Variants in SCML2 observed in about 807,000 individuals in gnomAD.
The protein encoded by SCML2 is Scm polycomb group protein like 2.
Under a neutral mutation model 48.4 loss-of-function variants are expected in SCML2, and 6 were observed. The observed-to-expected ratio is 0.12, with a 90% CI of 0.07 to 0.24. The LOEUF is 0.24. Ranked by LOEUF, SCML2 falls within the 10% of genes least tolerant of loss-of-function variation. The pLI is 1.00. For missense variants in SCML2, 377 were observed against 528.2 expected, an observed-to-expected ratio of 0.71 and a Z score of 2.81; for synonymous variants, 181 against 189.5, an observed-to-expected ratio of 0.95 and a Z score of 0.37.
At chrX:18,343,923 T>TAAAAAAAAAAAAAAAAAA (rs1203495780) in intron 1 of SCML2, among the ~76,000 whole-genome samples, 1 of 53,325 alleles carries the variant, frequency 1.9e-5, no homozygotes, top group Admixed American at 2.5e-4. Context: ...TGCCTCTATT[T>TAAAAAAAAAAAAAAAAAA]AAAAAAAAAA....
At chrX:18,259,260 C>CA (rs77504930) in intron 9 of SCML2, among the ~76,000 whole-genome samples, 735 of 64,841 alleles carry the variant, frequency 0.011, 3 homozygotes, top group African/African-American at 0.03. Flanking sequence ...GAGACTGTCT[C>CA]AAAAAAAAAA....
intron 7 of SCML2, among the ~76,000 whole-genome samples, chrX:18,297,932 C>T (rs984825748): frequency 2.1e-4 from 23 of 111,184 alleles, no homozygotes; most frequent in African/African-American, 7.5e-4. Flanking sequence ...TTGTTTGAGC[C>T]CAGGAGGTGG....
Position 18,241,045 on chromosome X carries a change from G to A in SCML2, c.*206C>T. 7.9e-6 allele frequency: 2 copies of A among 251,707 alleles called. No individual in the cohort carries two copies. Among genetic ancestry groups the A allele is most frequent in the South Asian group, 2.4e-4 (2 of 8,337 alleles). The allele number at this position is 251,707 out of a possible 1,213,427, so 20.7% of individuals were successfully genotyped here. On this transcript the variant is annotated 3_prime_UTR_variant, in exon 15 of 15. Coordinates refer to ENST00000251900, the MANE Select transcript of SCML2 (RefSeq NM_006089.3). ...ATGCTTTTTAAAGAAGTAGACTGGG[G>A]GAGTGGCGGCTGTGTCTCCCAAAGC... is the stretch of plus-strand genomic sequence containing the variant.
intron 7 of SCML2, among the ~76,000 whole-genome samples, chrX:18,298,805 G>A (rs1453738434): frequency 9.2e-6 from 1 of 108,675 alleles, no homozygotes; most frequent in Non-Finnish European, 1.9e-5. Context: ...AGGTGACAGA[G>A]TGAGACTGTG....
At chrX:18,351,129 G>A (rs2147576610) in intron 1 of SCML2, among the ~76,000 whole-genome samples, 1 of 110,618 alleles carries the variant, frequency 9.0e-6, no homozygotes, top group East Asian at 2.9e-4. Context: ...AATTAGCTGG[G>A]CATGGTGGCA....
At chrX:18,330,844 A>T (rs1477163254) in intron 2 of SCML2, among the ~76,000 whole-genome samples, 189 bp from the exon 3 acceptor site, 1 of 111,627 alleles carries the variant, frequency 9.0e-6, no homozygotes. Context: ...GTCTCACTCT[A>T]CTCAAATGAA....
chrX:18,265,036 T>C (rs917892052), intron 8 of SCML2, among the ~76,000 whole-genome samples: 3 of 112,138 alleles, frequency 2.7e-5, no homozygotes, highest in African/African-American at 9.7e-5. Context: ...CAAAGTGTAC[T>C]TGACCTAAGG....
chrX:18,319,172 C>T (rs919195542), intron 6 of SCML2, among the ~76,000 whole-genome samples: 1 of 111,739 alleles, frequency 8.9e-6, no homozygotes, highest in Non-Finnish European at 1.9e-5. Context: ...TGGCAGATTA[C>T]CTGAGCCCAG....
chrX:18,334,170 G>C lies in SCML2; in HGVS notation c.-24-75C>G, dbSNP rs370400725. On this transcript the variant is annotated intron_variant, in intron 1 of 14. Transcript: ENST00000251900. ...TGAAGGATAAGAAGTCAGTTATAAG[G>C]CCAGATCAATTTAATCTGTTTCCCT... The C allele has an allele frequency of 2.9e-4, 199 of 690,967 alleles. 1 individual carries two copies. In the South Asian group the frequency reaches 6.4e-3, roughly 22 times the overall value. 56.9% of individuals were successfully genotyped at this position (690,967 alleles called of 1,213,427 possible).
In SCML2 at chrX:18,336,732, G is replaced by A. The variant is rs757664555; in HGVS notation, c.-24-2637C>T. On this transcript the variant is annotated intron_variant, in intron 1 of 14. Transcript: ENST00000251900. ...AGCCTGGGCGACAGAGCGAGACTCCGTCTCGAAAAAAAATAATAAATAAAA... is the reference window on the plus strand; with the variant it reads ...AGCCTGGGCGACAGAGCGAGACTCCATCTCGAAAAAAAATAATAAATAAAA... 3.8e-5 allele frequency among the ~76,000 whole-genome samples: 4 copies of A among 105,496 alleles called. No individual in the cohort carries two copies. The East Asian group carries it at 1.2e-3, about 31-fold the overall frequency. The allele number at this position is 105,496 out of a possible 115,157, so 91.6% of individuals were successfully genotyped here.
chrX:18,286,711 T>C (rs1295937614), intron 7 of SCML2, among the ~76,000 whole-genome samples: 1 of 110,921 alleles, frequency 9.0e-6, no homozygotes, highest in East Asian at 2.9e-4. Context: ...AAAACTTCTC[T>C]GAGATACTAC....
In SCML2 at chrX:18,242,603, G is replaced by A; in HGVS notation, c.1823-13C>T. The stretch of plus-strand genomic sequence containing the variant: ...ATATAACTTGGAGCTTCAATGGGGG[G>A]GAAAAAAGACAAATCATACTTGACC... On this transcript the variant is annotated splice_polypyrimidine_tract_variant and intron_variant, in intron 13 of 14. Transcript: ENST00000251900. 1 of 1,195,828 alleles carries A rather than the reference G, an allele frequency of 8.4e-7. No homozygotes were observed. Among genetic ancestry groups the A allele is most frequent in the Non-Finnish European group, 1.1e-6 (1 of 888,599 alleles).
chrX:18,287,862 C>T (rs974864768), intron 7 of SCML2, among the ~76,000 whole-genome samples: 3 of 111,290 alleles, frequency 2.7e-5, no homozygotes, highest in Non-Finnish European at 3.8e-5. Flanking sequence ...CAACCACTGA[C>T]ACTATTTGTA....
rs748803415 is a variant in SCML2, at chrX:18,323,913, T to C, written c.343A>G (p.Ile115Val). 1 of 1,211,562 alleles carries C rather than the reference T, an allele frequency of 8.3e-7. No individual in the cohort carries two copies. The highest frequency in any genetic ancestry group is 1.1e-6 in the Non-Finnish European group (1 of 895,175). The change falls in exon 5 of 15, where the codon ATA becomes GTA. Residue 115 changes from isoleucine (I) to valine (V), a missense_variant. Coordinates refer to ENST00000251900, the MANE Select transcript of SCML2 (RefSeq NM_006089.3). ...TTTTCACATGTCCCAACAGGTTGTA[T>C]GTCTGGGGAATCGACAAGCCTCCAA... ...DFWRLVDSPDIQPVGTCEKEG... is the reference protein window; with the variant it reads ...DFWRLVDSPDVQPVGTCEKEG...
chrX:18,332,078 G>A (rs184007644), intron 2 of SCML2, among the ~76,000 whole-genome samples: 54 of 111,873 alleles, frequency 4.8e-4, no homozygotes, highest in Admixed American at 8.6e-4. Context: ...AGATCCTTTC[G>A]TTTATTAATG....
chrX:18,335,653 C>G (rs1183420450), intron 1 of SCML2, among the ~76,000 whole-genome samples: 1 of 112,005 alleles, frequency 8.9e-6, no homozygotes, highest in Non-Finnish European at 1.9e-5. Context: ...CAGCTGGTAG[C>G]AATTGCTTCC....
At chrX:18,331,252 T>C (rs1431649623) in intron 2 of SCML2, among the ~76,000 whole-genome samples, 2 of 52,451 alleles carry the variant, frequency 3.8e-5, no homozygotes, top group Non-Finnish European at 6.0e-5. Flanking sequence ...AGAGCGAGAC[T>C]CCGTCTCAAA....
intron 11 of SCML2, among the ~76,000 whole-genome samples, chrX:18,248,279 G>T (rs767038099): frequency 8.9e-6 from 1 of 111,801 alleles, no homozygotes; most frequent in East Asian, 2.8e-4. Flanking sequence ...CATCCATTTT[G>T]TTAAGTAACA....
intron 7 of SCML2, among the ~76,000 whole-genome samples, chrX:18,274,865 C>A (rs1345069146): frequency 9.0e-6 from 1 of 111,664 alleles, no homozygotes; most frequent in Non-Finnish European, 1.9e-5. Flanking sequence ...TCAACACAGA[C>A]CTTTAGTCTG....
Sources: gnomAD v4.1 joint callset for allele counts (sites outside exome capture counted in the v4.1 genomes callset) on GRCh38, gnomAD v4.1.1 for gene constraint, MANE v1.5 for transcripts, NCBI Gene and HGNC (gene_info 2026-07-23, HGNC 2026-07-21) for gene names.